HIBCH: variants seen among roughly 807,000 people sequenced by gnomAD.
The protein encoded by HIBCH is 3-hydroxyisobutyryl-CoA hydrolase, mitochondrial.
HIBCH carries 50 observed loss-of-function variants against 58.2 expected under a neutral mutation model. That is an observed-to-expected ratio of 0.86 (90% CI 0.68 to 1.09). The LOEUF (loss-of-function observed/expected upper bound fraction) is 1.09, where lower values mean the gene tolerates loss of function less well. Ranked by LOEUF, HIBCH falls within the 50% of genes least tolerant of loss-of-function variation. The pLI is 0.00. For missense variants in HIBCH, 450 were observed against 449.7 expected (o/e 1.00, Z -0.01); for synonymous variants, 151 against 146.9 (o/e 1.03, Z -0.20).
chr2:190,277,250 T>C (rs1373534273), intron 6 of HIBCH, among the ~76,000 whole-genome samples: 1 of 152,240 alleles, frequency 6.6e-6, no homozygotes, highest in African/African-American at 2.4e-5. Context: ...TTTTACTGTA[T>C]TTCAAAATAC....
At position 190,294,562 on chromosome 2, in the gene HIBCH, G is replaced by A. The variant is rs763337974; in HGVS notation, c.288C>T (p.Ala96=). 18 of 1,611,784 alleles carry A rather than the reference G, an allele frequency of 1.1e-5. No homozygotes were observed. The highest frequency in any genetic ancestry group is 3.7e-4 in the Middle Eastern group (2 of 5,360). ...AGTCTTTACCTCTGATATCACCCCC[G>A]GCACAGAAAGCCTTTCCTCCTGCTC... is the stretch of plus-strand genomic sequence containing the variant. ...IKGAGGKAFC[A]GGDIRVISEA... is the part of the protein sequence containing the mutation. Residue 96 remains alanine, a synonymous_variant, in exon 4 of 14, where the codon GCC becomes GCT. Coordinates refer to ENST00000359678, the MANE Select transcript of HIBCH (RefSeq NM_014362.4).
intron 2 of HIBCH, among the ~76,000 whole-genome samples, chr2:190,303,773 A>G (rs1290419951): frequency 6.6e-6 from 1 of 152,208 alleles, no homozygotes; most frequent in Non-Finnish European, 1.5e-5. Context: ...TTTATAGTGG[A>G]AAACAATAAA....
intron 11 of HIBCH, among the ~76,000 whole-genome samples, chr2:190,228,625 T>C (rs1031093080): frequency 1.3e-5 from 2 of 152,186 alleles, no homozygotes; most frequent in Non-Finnish European, 2.9e-5. Context: ...TCTTTAGCTA[T>C]GCAAGAAATG....
intron 11 of HIBCH, among the ~76,000 whole-genome samples, chr2:190,231,136 T>C (rs886165551): frequency 6.6e-6 from 1 of 152,242 alleles, no homozygotes; most frequent in Non-Finnish European, 1.5e-5. Context: ...TTCAACAAAC[T>C]GTGCTGGAAC....
At chr2:190,314,981 T>G (rs1012778706) in intron 1 of HIBCH, among the ~76,000 whole-genome samples, 2 of 151,848 alleles carry the variant, frequency 1.3e-5, no homozygotes, top group Non-Finnish European at 2.9e-5. Flanking sequence ...TGAGTCTCTC[T>G]CTGTCGCCCA....
intron 1 of HIBCH, among the ~76,000 whole-genome samples, chr2:190,195,277 T>C (rs1242123490): frequency 6.6e-6 from 1 of 152,256 alleles, no homozygotes; most frequent in Non-Finnish European, 1.5e-5. Flanking sequence ...ATAAAGCTGC[T>C]ACAGACATCC....
intron 6 of HIBCH, among the ~76,000 whole-genome samples, chr2:190,273,285 C>A (rs947829616): frequency 6.6e-6 from 1 of 151,928 alleles, no homozygotes; most frequent in African/African-American, 2.4e-5. Flanking sequence ...CCTAGCTACT[C>A]GGGAGGCTGA....
At chr2:190,278,828 G>A (rs1187229583) in intron 6 of HIBCH, among the ~76,000 whole-genome samples, 1 of 151,618 alleles carries the variant, frequency 6.6e-6, no homozygotes, top group African/African-American at 2.4e-5. Flanking sequence ...CCTAGGCACT[G>A]GAATTTTAAA....
chr2:190,314,311 G>A (rs1304988237), intron 1 of HIBCH, among the ~76,000 whole-genome samples: 56 of 9,648 alleles, frequency 5.8e-3, no homozygotes, highest in Non-Finnish European at 0.021. Context: ...ATATATATGT[G>A]TATATATATG....
chr2:190,280,620 T>C (rs1462118869), intron 6 of HIBCH, among the ~76,000 whole-genome samples: 1 of 136,130 alleles, frequency 7.3e-6, no homozygotes, highest in Non-Finnish European at 1.6e-5. Context: ...CCTCTAAAAA[T>C]GTTCAACTTA....
downstream of HIBCH, chr2:190,200,503 T>TAACA (rs1200212295): frequency 5.6e-6 from 1 of 177,332 alleles, no homozygotes; most frequent in East Asian, 1.7e-4. Context: ...TCCTTTAAAA[T>TAACA]AACAATTTTT....
chr2:190,300,835 T>C (rs1457403336), intron 2 of HIBCH, among the ~76,000 whole-genome samples: 1 of 152,254 alleles, frequency 6.6e-6, no homozygotes, highest in Non-Finnish European at 1.5e-5. Flanking sequence ...TTGTATATAG[T>C]GTAAGCAAGG....
intron 7 of HIBCH, among the ~76,000 whole-genome samples, chr2:190,258,205 G>A (rs113718120): frequency 2.8e-3 from 433 of 152,244 alleles, no homozygotes; most frequent in African/African-American, 0.01. Context: ...CCAGCCACGT[G>A]AAGATGCACT....
Position 190,254,391 on chromosome 2 carries a change from T to G in HIBCH, c.518-2084A>C, listed in dbSNP as rs139226398. On this transcript the variant is annotated intron_variant, in intron 7 of 13. Coordinates refer to ENST00000359678, the MANE Select transcript of HIBCH (RefSeq NM_014362.4). The surrounding 1 kb of genome is among the most constrained non-coding windows in gnomAD (Gnocchi z 5.0). ...GAGAGGGCTCAAGAGAACCATCTGC[T>G]GACACCTTGATCTCAGCCTTTCAAT... is the stretch of plus-strand genomic sequence containing the variant. 8.5e-5 allele frequency among the ~76,000 whole-genome samples: 13 copies of G among 152,256 alleles called. No homozygotes were observed. The East Asian group carries it at 2.3e-3, about 27-fold the overall frequency.
rs1479503271 is a variant in HIBCH, at chr2:190,211,807, T to C, written c.1011+1149A>G. On this transcript the variant is annotated intron_variant, in intron 12 of 13. Transcript: ENST00000359678. The surrounding 1 kb of genome is among the most constrained non-coding windows in gnomAD (Gnocchi z 5.0). ...ATGAAAATAAAGGACTGTGTCTTCT[T>C]ATTCAACAATATAAGGCTAACACTG... Among the ~76,000 whole-genome samples the C allele has an allele frequency of 1.3e-5, 2 of 152,230 alleles. No individual in the cohort carries two copies. Among genetic ancestry groups the C allele is most frequent in the African/African-American group, 2.4e-5 (1 of 41,462 alleles).
intron 11 of HIBCH, among the ~76,000 whole-genome samples, chr2:190,225,340 T>C (rs1023424362): frequency 6.6e-6 from 1 of 152,128 alleles, no homozygotes; most frequent in African/African-American, 2.4e-5. Flanking sequence ...ACCTGGTTTT[T>C]TGAAAAGATC....
rs1273236987 is a variant in HIBCH, at chr2:190,281,328, T to C, written c.438+6258A>G. 6.6e-6 allele frequency among the ~76,000 whole-genome samples: 1 copy of C among 152,200 alleles called. No homozygotes were observed. The highest frequency in any genetic ancestry group is 1.5e-5 in the Non-Finnish European group (1 of 68,044). On this transcript the variant is annotated intron_variant, in intron 6 of 13. Transcript: ENST00000359678. This position sits in a 1 kb window ranked among gnomAD's most constrained non-coding sequence, Gnocchi z 5.4. ...GCCACCAAGGCTTATGGCTTATATC[T>C]TCTGGAGCTGCAGGTCAAGCTGTAC...
At chr2:190,299,754 TG>T (rs975902318) in intron 2 of HIBCH, among the ~76,000 whole-genome samples, 1 of 152,328 alleles carries the variant, frequency 6.6e-6, no homozygotes, top group Admixed American at 6.5e-5. Context: ...GGGGGTTTGT[TG>T]TACAGACTGT....
At position 190,304,473 on chromosome 2, in the gene HIBCH, T is replaced by A. The variant is rs995049684; in HGVS notation, c.78+6281A>T. 6.6e-6 allele frequency among the ~76,000 whole-genome samples: 1 copy of A among 152,090 alleles called. No homozygotes were observed. On this transcript the variant is annotated intron_variant, in intron 2 of 13. Coordinates refer to ENST00000359678, the MANE Select transcript of HIBCH (RefSeq NM_014362.4). The surrounding 1 kb of genome is among the most constrained non-coding windows in gnomAD (Gnocchi z 4.1). ...AGTCTCACTCCCATAACCCCATTAA[T>A]CAATTAATGGATTAATCCTTCGTGA... is the stretch of plus-strand genomic sequence containing the variant.
Sources: allele counts gnomAD v4.1 joint callset (sites outside exome capture counted in the v4.1 genomes callset), GRCh38; gene constraint gnomAD v4.1.1; non-coding constraint Gnocchi (gnomAD v3.1); transcripts MANE v1.5; gene names NCBI Gene and HGNC (gene_info 2026-07-23, HGNC 2026-07-21).